Variants in BMPR1B observed in about 807,000 individuals in gnomAD.
The protein encoded by BMPR1B is bone morphogenetic protein receptor type-1B.
Under a neutral mutation model 59.1 loss-of-function variants are expected in BMPR1B, and 12 were observed. That is an observed-to-expected ratio of 0.20 (90% confidence interval 0.13 to 0.33). BMPR1B has a LOEUF of 0.33. Among genes scored for constraint, BMPR1B ranks in the 10% least tolerant of loss-of-function variants. The pLI, the probability that BMPR1B is intolerant of heterozygous loss-of-function variation, is 1.00. For missense variants in BMPR1B, 550 were observed against 610.9 expected (o/e 0.90, Z 1.05); for synonymous variants, 237 against 207.3 (o/e 1.14, Z -1.23).
At chr4:95,088,873 T>A (rs1255421809) in intron 3 of BMPR1B, among the ~76,000 whole-genome samples, 1 of 152,122 alleles carries the variant, frequency 6.6e-6, no homozygotes, top group Non-Finnish European at 1.5e-5. Flanking sequence ...TTTGCCACCC[T>A]GTAATTCTTT....
chr4:95,041,889 C>G (rs1725681305), intron 3 of BMPR1B, among the ~76,000 whole-genome samples: 1 of 151,930 alleles, frequency 6.6e-6, no homozygotes, highest in African/African-American at 2.4e-5. Context: ...GAGTCTTGCT[C>G]TGTCGCCCAG....
At chr4:95,112,595 T>A (rs570829805) in intron 4 of BMPR1B, among the ~76,000 whole-genome samples, 7 of 152,276 alleles carry the variant, frequency 4.6e-5, no homozygotes, top group Non-Finnish European at 8.8e-5. Flanking sequence ...AATGGCTGTC[T>A]CGCCTCCTTT....
intron 1 of BMPR1B, among the ~76,000 whole-genome samples, chr4:94,790,386 T>C (rs1021934119): frequency 2.0e-5 from 3 of 152,194 alleles, no homozygotes; most frequent in Non-Finnish European, 4.4e-5. Flanking sequence ...ATTATCAGTT[T>C]TACAAAAATA....
intron 1 of BMPR1B, among the ~76,000 whole-genome samples, chr4:94,762,942 C>T (rs1349996265): frequency 6.6e-6 from 1 of 151,418 alleles, no homozygotes; most frequent in Non-Finnish European, 1.5e-5. Context: ...GTTACTTTTA[C>T]TTTTGAATTT....
At chr4:94,803,401 C>T (rs905965356) in intron 1 of BMPR1B, among the ~76,000 whole-genome samples, 2 of 152,148 alleles carry the variant, frequency 1.3e-5, no homozygotes, top group Non-Finnish European at 2.9e-5. Flanking sequence ...TGACTCCACC[C>T]CCAGTGTTAG....
chr4:95,070,447 G>A (rs1372601976), intron 3 of BMPR1B, among the ~76,000 whole-genome samples: 2 of 152,158 alleles, frequency 1.3e-5, no homozygotes, highest in African/African-American at 4.8e-5. Flanking sequence ...TGAAGAAAGA[G>A]CAGATTTTGG....
chr4:95,096,618 C>T (rs1283219440), intron 3 of BMPR1B, among the ~76,000 whole-genome samples: 1 of 149,638 alleles, frequency 6.7e-6, no homozygotes, highest in East Asian at 1.9e-4. Context: ...AAAATGAGAA[C>T]CAATTTTAGA....
At chr4:94,914,579 T>C (rs1212794400) in intron 2 of BMPR1B, among the ~76,000 whole-genome samples, 1 of 151,668 alleles carries the variant, frequency 6.6e-6, no homozygotes, top group Non-Finnish European at 1.5e-5. Flanking sequence ...TCTGAGGGAG[T>C]TGAGGAATCA....
At chr4:95,140,613 C>T (rs1470725250) in intron 10 of BMPR1B, among the ~76,000 whole-genome samples, 1 of 152,066 alleles carries the variant, frequency 6.6e-6, no homozygotes, top group African/African-American at 2.4e-5. Context: ...TCTTTAATTT[C>T]CCGGTCTTTG....
At chr4:94,789,699 A>C (rs1343965997) in intron 1 of BMPR1B, among the ~76,000 whole-genome samples, 2 of 152,236 alleles carry the variant, frequency 1.3e-5, no homozygotes, top group Non-Finnish European at 2.9e-5. Context: ...CTGAGAGTGT[A>C]TGCCAGTATC....
chr4:94,793,613 A>G (rs1323924699), intron 1 of BMPR1B, among the ~76,000 whole-genome samples: 2 of 147,524 alleles, frequency 1.4e-5, no homozygotes, highest in African/African-American at 5.0e-5. Flanking sequence ...ACAATGGTTG[A>G]ACTAGTTTAC....
At chr4:95,143,130 C>T (rs992273070) in intron 10 of BMPR1B, among the ~76,000 whole-genome samples, 1 of 152,144 alleles carries the variant, frequency 6.6e-6, no homozygotes, top group African/African-American at 2.4e-5. Flanking sequence ...ACAAGCAGCC[C>T]CATGACTTCC....
chr4:94,874,342 T>C (rs1166543892), intron 1 of BMPR1B, among the ~76,000 whole-genome samples: 2 of 152,124 alleles, frequency 1.3e-5, no homozygotes, highest in African/African-American at 4.8e-5. Context: ...CTGGGTCATA[T>C]AGTAATTCTG....
chr4:95,000,199 T>C (rs923561992), intron 3 of BMPR1B, among the ~76,000 whole-genome samples: 2 of 152,048 alleles, frequency 1.3e-5, no homozygotes, highest in African/African-American at 4.8e-5. Context: ...CTTATAAACA[T>C]CTTCCAGACA....
intron 3 of BMPR1B, among the ~76,000 whole-genome samples, chr4:95,003,801 C>CTTTTTTTTTTTTTTTT (rs5860385): frequency 2.4e-5 from 2 of 84,560 alleles, no homozygotes; most frequent in African/African-American, 4.8e-5. Flanking sequence ...CAAAGTCCAT[C>CTTTTTTTTTTTTTTTT]TTTTTTTTTT....
chr4:94,931,605 T>C (rs1729093271), intron 2 of BMPR1B, among the ~76,000 whole-genome samples: 1 of 152,078 alleles, frequency 6.6e-6, no homozygotes, highest in Non-Finnish European at 1.5e-5. Flanking sequence ...GGAGTGTGTT[T>C]TGTTTTGTTT....
At chr4:95,135,388 A>G (rs1447776254) in intron 10 of BMPR1B, among the ~76,000 whole-genome samples, 4 of 152,122 alleles carry the variant, frequency 2.6e-5, no homozygotes, top group Admixed American at 2.0e-4. Flanking sequence ...GTTTTTTCCA[A>G]TTCTGTGAAG....
chr4:94,990,897 C>G (rs891681270), intron 2 of BMPR1B, among the ~76,000 whole-genome samples: 10 of 152,132 alleles, frequency 6.6e-5, no homozygotes, highest in African/African-American at 2.2e-4. Flanking sequence ...GACTTGATTC[C>G]TGTCTCACTT....
intron 2 of BMPR1B, among the ~76,000 whole-genome samples, chr4:94,917,315 G>A (rs1239551876): frequency 6.6e-6 from 1 of 152,162 alleles, no homozygotes; most frequent in Admixed American, 6.5e-5. Context: ...AGATCCACTG[G>A]CAGCTTGCAC....
Sources: gnomAD v4.1 joint callset for allele counts (sites outside exome capture counted in the v4.1 genomes callset) on GRCh38, gnomAD v4.1.1 for gene constraint, MANE v1.5 for transcripts, NCBI Gene and HGNC (gene_info 2026-07-23, HGNC 2026-07-21) for gene names.